The following NCKAP1 variants were observed in gnomAD, a reference collection of about 807,000 sequenced individuals.
The protein encoded by NCKAP1 is nck-associated protein 1.
A neutral mutation model predicts 151.2 loss-of-function variants in NCKAP1; 21 were observed. The ratio of observed to expected loss-of-function variants is 0.14; its 90% CI spans 0.10 to 0.20. NCKAP1 has a LOEUF of 0.20. Among genes scored for constraint, NCKAP1 ranks in the 10% least tolerant of loss-of-function variants. The pLI is 1.00. For synonymous variants in NCKAP1, 484 were observed against 451.8 expected, an observed-to-expected ratio of 1.07 and a Z score of -0.90; for missense variants, 933 against 1,352.1, an observed-to-expected ratio of 0.69 and a Z score of 4.86.
chr2:182,959,630 T>C (rs1036732493), intron 18 of NCKAP1, among the ~76,000 whole-genome samples: 1 of 152,120 alleles, frequency 6.6e-6, no homozygotes, highest in Admixed American at 6.6e-5. Context: ...CAGCCAATAT[T>C]ATACTGAATG....
intron 9 of NCKAP1, among the ~76,000 whole-genome samples, chr2:182,986,748 A>G (rs1229442255): frequency 6.6e-6 from 1 of 152,212 alleles, no homozygotes; most frequent in East Asian, 1.9e-4. Context: ...TTATTTTAAG[A>G]GAACTATATA....
At chr2:183,025,049 C>G in intron 1 of NCKAP1, 1 of 1,555,060 alleles carries the variant, frequency 6.4e-7, no homozygotes. Context: ...CAATGATTGT[C>G]AAACTATGAT....
chr2:183,014,974 C>A (rs1575065972), intron 2 of NCKAP1, among the ~76,000 whole-genome samples: 1 of 152,262 alleles, frequency 6.6e-6, no homozygotes, highest in East Asian at 1.9e-4. Flanking sequence ...ACAGGCAAGA[C>A]ATAACTTCAG....
intron 26 of NCKAP1, among the ~76,000 whole-genome samples, chr2:182,931,724 T>G (rs1411999621): frequency 6.6e-6 from 1 of 152,006 alleles, no homozygotes; most frequent in Non-Finnish European, 1.5e-5. Context: ...AGAGAAAAGA[T>G]TTGCAAATCA....
chr2:183,012,613 CCT>C (rs1559106083), intron 2 of NCKAP1, among the ~76,000 whole-genome samples: 1 of 150,998 alleles, frequency 6.6e-6, no homozygotes, highest in Non-Finnish European at 1.5e-5. Context: ...TCACTCATCC[CCT>C]TACGCCTTTT....
intron 1 of NCKAP1, among the ~76,000 whole-genome samples, chr2:183,028,028 A>T (rs2105897537): frequency 6.6e-6 from 1 of 152,290 alleles, no homozygotes; most frequent in South Asian, 2.1e-4. Flanking sequence ...TATATTTCAG[A>T]AAGGCTTACC....
At position 182,981,250 on chromosome 2, in the gene NCKAP1, G is replaced by A. The variant is rs771211951; in HGVS notation, c.1335C>T (p.Leu445=). Residue 445 remains leucine, a synonymous_variant, in exon 13 of 31, where the codon CTC becomes CTT. Transcript: ENST00000361354. ...AGTATGAGATAGTTTTTACCTGCAC[G>A]AGTTCATTGAGGACAACAGCATCAA... ...SGFDAVVLNE[L]VQNLSVCPED... 8.7e-6 allele frequency: 14 copies of A among 1,612,996 alleles called. No individual in the cohort carries two copies. The highest frequency in any genetic ancestry group is 1.7e-5 in the Admixed American group (1 of 59,904).
chr2:183,027,947 C>T (rs1460361288), intron 1 of NCKAP1, among the ~76,000 whole-genome samples: 3 of 152,052 alleles, frequency 2.0e-5, no homozygotes, highest in Non-Finnish European at 2.9e-5. Context: ...AAAGTTATCA[C>T]CTTTTGAAGT....
chr2:182,948,939 CA>C (rs927248515), intron 23 of NCKAP1, among the ~76,000 whole-genome samples: 2 of 150,524 alleles, frequency 1.3e-5, no homozygotes, highest in African/African-American at 4.9e-5. Context: ...AGAGTGACAA[CA>C]AAAAAAACAG....
intron 10 of NCKAP1, among the ~76,000 whole-genome samples, chr2:182,984,419 T>C (rs1332545510): frequency 2.8e-5 from 2 of 71,442 alleles, no homozygotes; most frequent in Non-Finnish European, 5.9e-5. Flanking sequence ...AGAATTTAGA[T>C]TGGGGTGTGT....
In NCKAP1 at chr2:182,919,896, T is replaced by C. The variant is rs7588408; in HGVS notation, c.*5806A>G. On this transcript the variant is annotated 3_prime_UTR_variant, in exon 31 of 31. Transcript: ENST00000361354. ...CAATCTCTTGACCTCAGGTGATCCA[T>C]CCACCTTGGCCTCCCAAAGTGCTGG... is the stretch of plus-strand genomic sequence containing the variant. The C allele has an allele frequency of 0.94, 143,841 of 152,344 alleles. 68,021 individuals carry two copies. The highest frequency in any genetic ancestry group is 0.99 in the East Asian group (5,133 of 5,164). The allele number at this position is 152,344 out of a possible 1,614,324, so 9.4% of individuals were successfully genotyped here. A position where few individuals can be genotyped will look rare whatever the true frequency, so the allele number is the denominator to read the frequency against.
chr2:183,030,911 CTG>C (rs950877454), intron 1 of NCKAP1, among the ~76,000 whole-genome samples: 1 of 151,950 alleles, frequency 6.6e-6, no homozygotes, highest in African/African-American at 2.4e-5. Context: ...TTTTTTCCTC[CTG>C]TGTTATGATG....
intron 6 of NCKAP1, 83 bp downstream of exon 6, chr2:183,001,870 C>G: frequency 1.6e-6 from 2 of 1,225,516 alleles, no homozygotes; most frequent in South Asian, 2.7e-5. Context: ...TTTTCAAAAA[C>G]AAGATTATCC....
At chr2:182,935,163 T>C in intron 25 of NCKAP1, 130 bp downstream of exon 25, 1 of 708,514 alleles carries the variant, frequency 1.4e-6, no homozygotes, top group Non-Finnish European at 2.3e-6. Flanking sequence ...TATGTTATTT[T>C]CTGTAACTAC....
At chr2:182,937,444 G>A (rs551180085) in intron 24 of NCKAP1, among the ~76,000 whole-genome samples, 5 of 152,078 alleles carry the variant, frequency 3.3e-5, no homozygotes, top group African/African-American at 4.8e-5. Context: ...TGTGGGTCTT[G>A]GACCAGGCAA....
At chr2:182,963,506 G>A (rs180787713) in intron 17 of NCKAP1, among the ~76,000 whole-genome samples, 8 of 152,124 alleles carry the variant, frequency 5.3e-5, no homozygotes, top group East Asian at 1.9e-4. Flanking sequence ...CTTTGGCTAC[G>A]GTGCCAAGAA....
chr2:182,980,162 T>C (rs1025373091), intron 13 of NCKAP1, among the ~76,000 whole-genome samples: 7 of 152,094 alleles, frequency 4.6e-5, no homozygotes, highest in East Asian at 1.9e-4. Context: ...AATAAAATTA[T>C]AGTAAGGCAA....
rs543762045 is a variant in NCKAP1 at position 183,028,208 on chromosome 2, A to C, written c.109-4292T>G. Among the ~76,000 whole-genome samples the C allele has an allele frequency of 1.1e-4, 16 of 152,052 alleles. No individual in the cohort carries two copies. In the South Asian group the frequency reaches 3.1e-3, roughly 30 times the overall value. ...TACCAAAAAAAAAACTTTTTCAGAG[A>C]ATTGACTAAAAGAGGTATTTCACTA... On this transcript the variant is annotated intron_variant, in intron 1 of 30. Coordinates refer to ENST00000361354, the MANE Select transcript of NCKAP1 (RefSeq NM_013436.5).
chr2:182,976,337 G>C (rs548025463), intron 15 of NCKAP1, among the ~76,000 whole-genome samples: 172 of 152,254 alleles, frequency 1.1e-3, no homozygotes, highest in Non-Finnish European at 1.9e-3. Flanking sequence ...TCAGAAAATG[G>C]AAGTTTTTTG....
Sources: gnomAD v4.1 joint callset for allele counts (sites outside exome capture counted in the v4.1 genomes callset) on GRCh38, gnomAD v4.1.1 for gene constraint, MANE v1.5 for transcripts, NCBI Gene and HGNC (gene_info 2026-07-23, HGNC 2026-07-21) for gene names.